Variants in NRXN3 observed in about 807,000 individuals in gnomAD.
NRXN3 encodes neurexin 3, also known as neurexin III.
A neutral mutation model predicts 137.6 loss-of-function variants in NRXN3; 32 were observed. That is an observed-to-expected ratio of 0.23 (90% CI 0.18 to 0.31). The LOEUF is 0.31. NRXN3 is among the 10% of genes least tolerant of loss of function. The probability of loss-of-function intolerance (pLI) is 1.00; values close to 1 mark genes in which losing one functional copy is unlikely to be tolerated. For synonymous variants in NRXN3, 798 were observed against 784.5 expected (o/e 1.02, Z -0.29); for missense variants, 1,574 against 2,062.5 (o/e 0.76, Z 4.59).
At chr14:78,206,861 T>G (rs1340209387) in intron 1 of NRXN3, among the ~76,000 whole-genome samples, 1 of 149,098 alleles carries the variant, frequency 6.7e-6, no homozygotes, top group Non-Finnish European at 1.5e-5. Flanking sequence ...TCGGACATTC[T>G]TTTTTTTTTG....
At chr14:79,143,574 A>G (rs2059017107) in intron 15 of NRXN3, among the ~76,000 whole-genome samples, 1 of 152,214 alleles carries the variant, frequency 6.6e-6, no homozygotes, top group South Asian at 2.1e-4. Flanking sequence ...ATTATGGGAA[A>G]ACAATTCATT....
chr14:78,451,536 T>A (rs2094550524), intron 4 of NRXN3, among the ~76,000 whole-genome samples: 1 of 152,320 alleles, frequency 6.6e-6, no homozygotes, highest in South Asian at 2.1e-4. Context: ...AATCCAAAGT[T>A]GTGAAACATG....
At position 78,968,278 on chromosome 14, in the gene NRXN3, A is replaced by G; in HGVS notation, c.3074A>G (p.Asn1025Ser). The change falls in exon 14 of 21, where the codon AAT becomes AGT. Residue 1025 changes from asparagine (N) to serine (S), a missense_variant. Transcript: ENST00000335750. ...GGCTGTCTAGCATCAGTGGACTTGA[A>G]TGGACGCCTGCCAGACCTCATCAAT... ...FQGCLASVDL[N>S]GRLPDLINDA... 6.2e-7 allele frequency: 1 copy of G among 1,614,000 alleles called. No individual in the cohort carries two copies. The highest frequency in any genetic ancestry group is 8.5e-7 in the Non-Finnish European group (1 of 1,179,936).
chr14:78,410,501 CT>C (rs1172864663), intron 4 of NRXN3, among the ~76,000 whole-genome samples: 2 of 152,126 alleles, frequency 1.3e-5, no homozygotes, highest in Non-Finnish European at 2.9e-5. Context: ...TTCAATGGCC[CT>C]TAAGTTTCTT....
intron 8 of NRXN3, among the ~76,000 whole-genome samples, chr14:78,758,298 T>C (rs1219408104): frequency 6.6e-6 from 1 of 152,212 alleles, no homozygotes; most frequent in African/African-American, 2.4e-5. Context: ...GAATTTAAAA[T>C]AATGTTGTAA....
intron 8 of NRXN3, among the ~76,000 whole-genome samples, chr14:78,741,787 C>T (rs2098576043): frequency 6.6e-6 from 1 of 152,218 alleles, no homozygotes; most frequent in Middle Eastern, 3.4e-3. Flanking sequence ...CTTGTATAAC[C>T]AAAACTTGGT....
chr14:79,735,281 T>C (rs776264299), intron 19 of NRXN3, among the ~76,000 whole-genome samples: 1 of 152,188 alleles, frequency 6.6e-6, no homozygotes, highest in Admixed American at 6.5e-5. Context: ...AGTAGTAAAG[T>C]GGGCTATTAT....
At chr14:78,941,455 A>G (rs1597665824) in intron 10 of NRXN3, among the ~76,000 whole-genome samples, 1 of 152,148 alleles carries the variant, frequency 6.6e-6, no homozygotes, top group South Asian at 2.1e-4. Flanking sequence ...CACCCAGTCT[A>G]AGTATCAGTT....
At chr14:78,987,969 A>G in intron 14 of NRXN3, 53 bp from the exon 15 acceptor site, 1 of 1,566,146 alleles carries the variant, frequency 6.4e-7, no homozygotes, top group Non-Finnish European at 8.7e-7. Flanking sequence ...AATTTTTAAC[A>G]TTTCTTCTCT....
chr14:78,574,047 C>T (rs1201261774), intron 4 of NRXN3, among the ~76,000 whole-genome samples: 1 of 152,210 alleles, frequency 6.6e-6, no homozygotes, highest in Non-Finnish European at 1.5e-5. Context: ...AGAGCTCAGG[C>T]CATTGCTTCA....
rs1555758036 is a variant in NRXN3, at chr14:79,110,762, T to TTTTTTTTATTTA, written c.3262+122624_3262+122625insTTTTATTTATTT. On this transcript the variant is annotated intron_variant, in intron 15 of 20. Coordinates refer to ENST00000335750, the MANE Select transcript of NRXN3 (RefSeq NM_001330195.2). ...GTCTTCTTTCAATGAGAAATTATTA[T>TTTTTTTTATTTA]TTTATTTATTTATTTATTTATTTAT... Among the ~76,000 whole-genome samples, 10 of 139,142 alleles carry TTTTTTTTATTTA rather than the reference T, an allele frequency of 7.2e-5. No homozygotes were observed. In the East Asian group the frequency reaches 1.1e-3, roughly 15 times the overall value. 91.3% of individuals were successfully genotyped at this position (139,142 alleles called of 152,430 possible).
chr14:79,740,716 A>C (rs1414820900), intron 19 of NRXN3, among the ~76,000 whole-genome samples: 1 of 9,152 alleles, frequency 1.1e-4, no homozygotes, highest in Non-Finnish European at 2.2e-4. Context: ...AGTTTTTTAT[A>C]TATATATATA....
intron 4 of NRXN3, among the ~76,000 whole-genome samples, chr14:78,363,712 G>A (rs1028971678): frequency 1.3e-5 from 2 of 152,158 alleles, no homozygotes; most frequent in Non-Finnish European, 2.9e-5. Context: ...AGGGAGGCTT[G>A]CTCTTCCATG....
intron 16 of NRXN3, among the ~76,000 whole-genome samples, chr14:79,486,033 T>A (rs561836270): frequency 1.0e-3 from 154 of 152,154 alleles, no homozygotes; most frequent in African/African-American, 3.5e-3. Context: ...ATTATTATTA[T>A]TATTAATATT....
At chr14:78,220,552 T>C (rs1327132996) in intron 1 of NRXN3, among the ~76,000 whole-genome samples, 3 of 151,290 alleles carry the variant, frequency 2.0e-5, no homozygotes, top group Admixed American at 1.3e-4. Context: ...AAGGGAGAGA[T>C]GGAGATGATG....
chr14:78,902,814 A>G (rs1347874772), intron 10 of NRXN3, among the ~76,000 whole-genome samples: 1 of 151,696 alleles, frequency 6.6e-6, no homozygotes, highest in East Asian at 1.9e-4. Context: ...AATATAACAT[A>G]GTTATATTCA....
chr14:79,598,941 A>C (rs746906283), intron 16 of NRXN3, among the ~76,000 whole-genome samples: 3 of 152,214 alleles, frequency 2.0e-5, no homozygotes, highest in Admixed American at 6.5e-5. Context: ...CTCATGTATG[A>C]ATAGCTCCAA....
In NRXN3 at chr14:78,547,400, A is replaced by G. The variant is rs1372556249; in HGVS notation, c.758-97720A>G. Among the ~76,000 whole-genome samples the G allele has an allele frequency of 2.0e-5, 3 of 151,820 alleles. No homozygotes were observed. The East Asian group carries it at 5.8e-4, about 29-fold the overall frequency. On this transcript the variant is annotated intron_variant, in intron 4 of 20. Transcript: ENST00000335750. ...TTTTTAGTAGAGATGGGTTTTTACC[A>G]TTTTAGCCAGGATGGTCTCTATCTC...
intron 15 of NRXN3, among the ~76,000 whole-genome samples, chr14:79,340,759 T>C (rs1021332271): frequency 1.3e-5 from 2 of 152,248 alleles, no homozygotes; most frequent in African/African-American, 4.8e-5. Flanking sequence ...CCACCGCGCC[T>C]GGCCTGACAT....
Sources: gnomAD v4.1 joint callset for allele counts (sites outside exome capture counted in the v4.1 genomes callset) on GRCh38, gnomAD v4.1.1 for gene constraint, MANE v1.5 for transcripts, NCBI Gene and HGNC (gene_info 2026-07-23, HGNC 2026-07-21) for gene names.